Variants in ARHGAP44 observed in about 807,000 individuals in gnomAD.
ARHGAP44 encodes rho GTPase-activating protein 44.
Under a neutral mutation model 106.8 loss-of-function variants are expected in ARHGAP44, and 43 were observed. The ratio of observed to expected loss-of-function variants is 0.40; its 90% CI spans 0.32 to 0.52. The LOEUF is 0.52. ARHGAP44 is among the 20% of genes least tolerant of loss of function. The probability of loss-of-function intolerance (pLI) is 0.48; values close to 1 mark genes in which losing one functional copy is unlikely to be tolerated. For synonymous variants in ARHGAP44, 439 were observed against 410.3 expected (o/e 1.07, Z -0.85); for missense variants, 866 against 1,050.5 (o/e 0.82, Z 2.43).
chr17:12,821,040 T>C (rs1459839316), intron 1 of ARHGAP44, among the ~76,000 whole-genome samples: 1 of 152,196 alleles, frequency 6.6e-6, no homozygotes, highest in African/African-American at 2.4e-5. Context: ...GATTTTAGTT[T>C]GGCATATGGG....
chr17:12,958,766 C>T lies in ARHGAP44; in HGVS notation c.1392C>T (p.Asn464=). The T allele has an allele frequency of 6.2e-7, 1 of 1,613,900 alleles. No homozygotes were observed. Among genetic ancestry groups the T allele is most frequent in the Non-Finnish European group, 8.5e-7 (1 of 1,179,860 alleles). Reference sequence around the variant, plus strand: ...ATTATGGGAGTCCAGTACACGTGAACCATAATGCCAACTACAGCTCAATGC... The same window carrying T: ...ATTATGGGAGTCCAGTACACGTGAATCATAATGCCAACTACAGCTCAATGC... The part of the protein sequence containing the change: ...TGNYGSPVHV[N]HNANYSSMPS... The change falls in exon 16 of 21, where the codon AAC becomes AAT. Residue 464 remains asparagine, a synonymous_variant. Coordinates refer to ENST00000379672, the MANE Select transcript of ARHGAP44 (RefSeq NM_014859.6). This position sits in a 1 kb window ranked among gnomAD's most constrained non-coding sequence, Gnocchi z 4.1.
At chr17:12,888,027 T>C (rs2036932684) in intron 1 of ARHGAP44, among the ~76,000 whole-genome samples, 1 of 152,116 alleles carries the variant, frequency 6.6e-6, no homozygotes, top group Non-Finnish European at 1.5e-5. Flanking sequence ...GCTAGAGATT[T>C]TTTAAACTTT....
intron 16 of ARHGAP44, among the ~76,000 whole-genome samples, chr17:12,970,365 C>CA (rs66577680): frequency 0.098 from 5,366 of 54,708 alleles, 190 homozygotes; most frequent in East Asian, 0.17. Flanking sequence ...GACCCTGTCT[C>CA]AAAAAAAAAA....
chr17:12,960,224 G>C lies in ARHGAP44; in HGVS notation c.1523+1327G>C, dbSNP rs112507635. 9.7e-4 allele frequency among the ~76,000 whole-genome samples: 147 copies of C among 152,220 alleles called. 1 individual carries two copies. Among genetic ancestry groups the C allele is most frequent in the African/African-American group, 3.2e-3 (132 of 41,562 alleles). On this transcript the variant is annotated intron_variant, in intron 16 of 20. Coordinates refer to ENST00000379672, the MANE Select transcript of ARHGAP44 (RefSeq NM_014859.6). ...GAAAGAAAAAAAAAGGAAATTCTTA[G>C]AAATTCAAATGAGTATGAAAAAATG...
chr17:12,813,962 C>T (rs532680898), intron 1 of ARHGAP44, among the ~76,000 whole-genome samples: 4 of 152,246 alleles, frequency 2.6e-5, no homozygotes, highest in African/African-American at 7.2e-5. Flanking sequence ...TGTTATATTT[C>T]GAGATTTCAT....
At chr17:12,828,239 C>T (rs1567635001) in intron 1 of ARHGAP44, among the ~76,000 whole-genome samples, 1 of 151,396 alleles carries the variant, frequency 6.6e-6, no homozygotes, top group Non-Finnish European at 1.5e-5. Flanking sequence ...TTTTGTTTCC[C>T]TAGATTTTTC....
At chr17:12,819,345 GAC>G (rs2034694977) in intron 1 of ARHGAP44, among the ~76,000 whole-genome samples, 1 of 151,910 alleles carries the variant, frequency 6.6e-6, no homozygotes, top group Admixed American at 6.6e-5. Context: ...CCTATTGGTG[GAC>G]ATTTGAATTA....
intron 1 of ARHGAP44, among the ~76,000 whole-genome samples, chr17:12,844,285 G>A (rs1032033045): frequency 5.9e-5 from 9 of 152,152 alleles, no homozygotes; most frequent in African/African-American, 2.2e-4. Flanking sequence ...TGAGAGCCTG[G>A]CACCAGCTTC....
intron 1 of ARHGAP44, among the ~76,000 whole-genome samples, chr17:12,887,501 A>G (rs2036916970): frequency 2.0e-5 from 3 of 152,076 alleles, no homozygotes; most frequent in Admixed American, 2.0e-4. Flanking sequence ...TGGCCTCCCG[A>G]AGTGTTGGGA....
chr17:12,932,726 G>T (rs28617375), intron 7 of ARHGAP44, among the ~76,000 whole-genome samples: 283 of 148,760 alleles, frequency 1.9e-3, no homozygotes, highest in African/African-American at 6.6e-3. Context: ...TTTTTTTCCA[G>T]ATAGATAGTC....
chr17:12,968,454 G>A (rs951160107), intron 16 of ARHGAP44, among the ~76,000 whole-genome samples: 44 of 152,170 alleles, frequency 2.9e-4, no homozygotes, highest in African/African-American at 9.9e-4. Context: ...GTTTTCCAAA[G>A]AACCTTTCAG....
Position 12,789,892 on chromosome 17 carries a change from G to T in ARHGAP44, c.53+1G>T. On this transcript the variant is annotated splice_donor_variant, in intron 1 of 20. Coordinates refer to ENST00000379672, the MANE Select transcript of ARHGAP44 (RefSeq NM_014859.6). LOFTEE classifies it high-confidence loss of function. ...AGCTGGCCAACCAGACGGTGGGCAG[G>T]TAGGTCACCCGCGGGCACCGCTGTC... is the stretch of plus-strand genomic sequence containing the variant. 1 of 1,521,556 alleles carries T rather than the reference G, an allele frequency of 6.6e-7. No individual in the cohort carries two copies. The highest frequency in any genetic ancestry group is 8.8e-7 in the Non-Finnish European group (1 of 1,137,112). 94.3% of individuals were successfully genotyped at this position (1,521,556 alleles called of 1,614,324 possible).
intron 4 of ARHGAP44, among the ~76,000 whole-genome samples, chr17:12,914,361 G>A (rs1429311869): frequency 6.6e-6 from 1 of 152,206 alleles, no homozygotes; most frequent in African/African-American, 2.4e-5. Flanking sequence ...GACTGCACAA[G>A]CATATTTACT....
chr17:12,897,394 G>A (rs943602643), intron 3 of ARHGAP44, among the ~76,000 whole-genome samples: 4 of 149,942 alleles, frequency 2.7e-5, no homozygotes, highest in East Asian at 2.0e-4. Flanking sequence ...AGCTCCTGCC[G>A]CAGTGCAAAA....
At chr17:12,965,188 C>T (rs1263398845) in intron 16 of ARHGAP44, among the ~76,000 whole-genome samples, 1 of 152,162 alleles carries the variant, frequency 6.6e-6, no homozygotes, top group African/African-American at 2.4e-5. Flanking sequence ...GGCGATCTGC[C>T]ACGGAGATCC....
intron 4 of ARHGAP44, among the ~76,000 whole-genome samples, chr17:12,911,100 T>C (rs943778606): frequency 1.4e-5 from 2 of 147,982 alleles, no homozygotes; most frequent in African/African-American, 5.0e-5. Flanking sequence ...ATGAGGGTGG[T>C]AGCAATCATT....
chr17:12,924,127 A>G (rs2038166362), intron 6 of ARHGAP44, among the ~76,000 whole-genome samples: 1 of 152,264 alleles, frequency 6.6e-6, no homozygotes, highest in Admixed American at 6.5e-5. Flanking sequence ...TGTATATATT[A>G]TCAGCACATC....
At chr17:12,937,254 C>T (rs915049338) in intron 7 of ARHGAP44, among the ~76,000 whole-genome samples, 2 of 152,130 alleles carry the variant, frequency 1.3e-5, no homozygotes, top group Non-Finnish European at 2.9e-5. Context: ...AATAATTTCT[C>T]TTTAGGGGAG....
At chr17:12,987,224 T>A in intron 20 of ARHGAP44, 1 of 1,349,784 alleles carries the variant, frequency 7.4e-7, no homozygotes, top group Non-Finnish European at 1.0e-6. Context: ...TCCCCTCCGC[T>A]CCTCGTCTCT....
Sources: allele counts gnomAD v4.1 joint callset (sites outside exome capture counted in the v4.1 genomes callset), GRCh38; gene constraint gnomAD v4.1.1; non-coding constraint Gnocchi (gnomAD v3.1); transcripts MANE v1.5; gene names NCBI Gene and HGNC (gene_info 2026-07-23, HGNC 2026-07-21).